COMMD10: variants seen among roughly 807,000 people sequenced by gnomAD.
COMMD10 encodes the protein COMM domain-containing protein 10.
COMMD10 carries 33 observed loss-of-function variants against 28.9 expected under a neutral mutation model. The ratio of observed to expected loss-of-function variants is 1.14; its 90% CI spans 0.87 to 1.53. COMMD10 has a LOEUF of 1.53. COMMD10 is among the 40% of genes most tolerant of loss of function. The pLI is 0.00. For synonymous variants in COMMD10, 110 were observed against 81.7 expected (o/e 1.35, Z -1.87); for missense variants, 310 against 233.4 (o/e 1.33, Z -2.14).
intron 5 of COMMD10, among the ~76,000 whole-genome samples, chr5:116,155,728 T>A (rs1188230840): frequency 6.6e-6 from 1 of 152,116 alleles, no homozygotes; most frequent in Non-Finnish European, 1.5e-5. Flanking sequence ...AGCCAAATTA[T>A]TTTAATTAGA....
intron 5 of COMMD10, among the ~76,000 whole-genome samples, chr5:116,239,111 T>G (rs1482034540): frequency 6.6e-6 from 1 of 152,208 alleles, no homozygotes; most frequent in Non-Finnish European, 1.5e-5. Context: ...AGCTTGTTTT[T>G]TTGCCAATCG....
chr5:116,284,924 G>A (rs1037908402), intron 5 of COMMD10, among the ~76,000 whole-genome samples: 1 of 151,874 alleles, frequency 6.6e-6, no homozygotes, highest in African/African-American at 2.4e-5. Context: ...TTGGGTGGGG[G>A]CTGCAACTGG....
chr5:116,209,213 A>G (rs1169210225), intron 5 of COMMD10, among the ~76,000 whole-genome samples: 1 of 151,994 alleles, frequency 6.6e-6, no homozygotes, highest in Non-Finnish European at 1.5e-5. Flanking sequence ...GGAAATTTTA[A>G]TTTTAGTTTT....
chr5:116,123,716 G>C (rs370582048), intron 4 of COMMD10, among the ~76,000 whole-genome samples: 2 of 152,090 alleles, frequency 1.3e-5, no homozygotes, highest in Non-Finnish European at 2.9e-5. Context: ...TTTTTGGTTG[G>C]CAGGCTATTA....
In COMMD10 at chr5:116,281,032, A is replaced by G. The variant is rs558215021; in HGVS notation, c.511-10485A>G. ...ACTATTTCTTTTACTGAAATATTCT[A>G]TCTCCTGATTTTCTAGTTGAAAAGA... On this transcript the variant is annotated intron_variant, in intron 5 of 6. Transcript: ENST00000274458. Among the ~76,000 whole-genome samples, 4 of 151,994 alleles carry G rather than the reference A, an allele frequency of 2.6e-5. No homozygotes were observed. The South Asian group carries it at 8.3e-4, about 31-fold the overall frequency.
At chr5:116,160,651 A>G (rs1431540382) in intron 5 of COMMD10, among the ~76,000 whole-genome samples, 1 of 152,230 alleles carries the variant, frequency 6.6e-6, no homozygotes, top group African/African-American at 2.4e-5. Context: ...TGTATTGAAA[A>G]TGAACAATCT....
intron 5 of COMMD10, among the ~76,000 whole-genome samples, chr5:116,201,201 T>C (rs1247130345): frequency 2.6e-5 from 4 of 152,186 alleles, no homozygotes; most frequent in African/African-American, 9.6e-5. Flanking sequence ...TCTGTTTAAA[T>C]AGTTTCCTCT....
At chr5:116,114,433 G>T (rs75888237) in intron 4 of COMMD10, among the ~76,000 whole-genome samples, 2,957 of 152,216 alleles carry the variant, frequency 0.019, 90 homozygotes, top group African/African-American at 0.062. Flanking sequence ...CTGACCTCCA[G>T]GCTGGGTGGC....
chr5:116,143,965 G>C (rs1319368998), intron 5 of COMMD10, among the ~76,000 whole-genome samples: 1 of 151,796 alleles, frequency 6.6e-6, no homozygotes, highest in Non-Finnish European at 1.5e-5. Flanking sequence ...CCAATAGCAA[G>C]GAATTAGAAA....
chr5:116,163,592 A>G (rs1752994072), intron 5 of COMMD10, among the ~76,000 whole-genome samples: 1 of 152,094 alleles, frequency 6.6e-6, no homozygotes, highest in African/African-American at 2.4e-5. Flanking sequence ...TCTGTCTCCA[A>G]AAAAATAAAA....
intron 5 of COMMD10, among the ~76,000 whole-genome samples, chr5:116,157,909 A>G (rs932461220): frequency 8.8e-5 from 13 of 148,158 alleles, no homozygotes; most frequent in Non-Finnish European, 1.5e-4. Context: ...TGGTTTTAAT[A>G]GTCTCAATTG....
At chr5:116,241,644 G>A (rs948098874) in intron 5 of COMMD10, among the ~76,000 whole-genome samples, 2 of 144,578 alleles carry the variant, frequency 1.4e-5, no homozygotes, top group South Asian at 2.2e-4. Flanking sequence ...ATGGAGTCTC[G>A]CTCTGTCGCC....
At chr5:116,156,845 T>C (rs1752731152) in intron 5 of COMMD10, among the ~76,000 whole-genome samples, 1 of 152,086 alleles carries the variant, frequency 6.6e-6, no homozygotes, top group Non-Finnish European at 1.5e-5. Flanking sequence ...ATGAGAAGAG[T>C]TGTATTTTCC....
intron 2 of COMMD10, among the ~76,000 whole-genome samples, chr5:116,090,045 T>C (rs1334284557): frequency 7.2e-5 from 11 of 152,214 alleles, no homozygotes; most frequent in Admixed American, 7.2e-4. Flanking sequence ...GTTGCCCCTC[T>C]ACTGGTACTT....
chr5:116,113,621 T>C (rs978468747), intron 4 of COMMD10, among the ~76,000 whole-genome samples: 3 of 152,048 alleles, frequency 2.0e-5, no homozygotes, highest in African/African-American at 7.2e-5. Context: ...CTTCAGTGAA[T>C]TTTTTAGTTC....
chr5:116,085,098 C>G lies in COMMD10; in HGVS notation c.41+5C>G, dbSNP rs1750044103. 1 of 1,609,318 alleles carries G rather than the reference C, an allele frequency of 6.2e-7. No homozygotes were observed. Among genetic ancestry groups the G allele is most frequent in the South Asian group, 1.1e-5 (1 of 90,108 alleles). ...GATCCTACGGGAGAGCCCCAGGTAG[C>G]TGATCCGTTAAGCTCTTGCGGTAGC... is the stretch of plus-strand genomic sequence containing the variant. On this transcript the variant is annotated splice_donor_5th_base_variant and intron_variant, in intron 1 of 6. Coordinates refer to ENST00000274458, the MANE Select transcript of COMMD10 (RefSeq NM_016144.4).
In COMMD10 at chr5:116,205,536, A is replaced by G. The variant is rs149993410; in HGVS notation, c.510+71358A>G. Among the ~76,000 whole-genome samples, 875 of 152,222 alleles carry G rather than the reference A, an allele frequency of 5.7e-3. 8 individuals carry two copies. The highest frequency in any genetic ancestry group is 0.02 in the African/African-American group (833 of 41,528). On this transcript the variant is annotated intron_variant, in intron 5 of 6. Coordinates refer to ENST00000274458, the MANE Select transcript of COMMD10 (RefSeq NM_016144.4). The stretch of plus-strand genomic sequence containing the variant: ...AAAACTACCTCATATACATATGCAC[A>G]TATACCCATATATGCATATGTATAT...
intron 5 of COMMD10, among the ~76,000 whole-genome samples, chr5:116,147,072 T>G (rs1174378755): frequency 4.0e-5 from 6 of 151,662 alleles, no homozygotes; most frequent in African/African-American, 1.5e-4. Flanking sequence ...TGATGATGAG[T>G]CTGGTTTGGG....
chr5:116,212,522 G>GTA (rs1554102873), intron 5 of COMMD10, among the ~76,000 whole-genome samples: 4 of 132,038 alleles, frequency 3.0e-5, no homozygotes, highest in South Asian at 5.7e-4. Flanking sequence ...GTGTGTGTGT[G>GTA]TAGAATGTGA....
Sources: allele counts gnomAD v4.1 joint callset (sites outside exome capture counted in the v4.1 genomes callset), GRCh38; gene constraint gnomAD v4.1.1; transcripts MANE v1.5; gene names NCBI Gene and HGNC (gene_info 2026-07-23, HGNC 2026-07-21).